The following POLA1 variants were observed in gnomAD, a reference collection of about 807,000 sequenced individuals.
POLA1 encodes the protein DNA polymerase alpha catalytic subunit.
A neutral mutation model predicts 124.0 loss-of-function variants in POLA1; 15 were observed. The observed-to-expected ratio is 0.12, with a 90% CI of 0.08 to 0.19. The LOEUF is 0.19. Ranked by LOEUF, POLA1 falls within the 10% of genes least tolerant of loss-of-function variation. The pLI is 1.00. For synonymous variants in POLA1, 408 were observed against 389.4 expected (o/e 1.05, Z -0.56); for missense variants, 886 against 1,103.4 (o/e 0.80, Z 2.79).
chrX:24,719,686 C>T (rs187202756), intron 10 of POLA1, among the ~76,000 whole-genome samples: 1 of 111,691 alleles, frequency 9.0e-6, no homozygotes, highest in African/African-American at 3.3e-5. Context: ...TATTACTCCC[C>T]GTACTTTGCT....
intron 35 of POLA1, among the ~76,000 whole-genome samples, chrX:24,902,441 A>C (rs1227686673): frequency 1.8e-5 from 2 of 112,141 alleles, no homozygotes; most frequent in Admixed American, 1.9e-4. Context: ...ATCTACTTAG[A>C]AACAGTAGAT....
intron 31 of POLA1, 28 bp downstream of exon 31, chrX:24,821,611 G>C (rs777229142): frequency 2.6e-6 from 3 of 1,132,234 alleles, no homozygotes; most frequent in Non-Finnish European, 3.6e-6. Flanking sequence ...GTAAGACTCT[G>C]ACACCTCTTA....
At chrX:24,735,616 A>T in intron 18 of POLA1, 128 bp downstream of exon 18, 1 of 410,062 alleles carries the variant, frequency 2.4e-6, no homozygotes, top group Non-Finnish European at 4.2e-6. Flanking sequence ...GACTGGTGGG[A>T]ATTGCTGCTA....
intron 36 of POLA1, among the ~76,000 whole-genome samples, chrX:24,970,860 C>A (rs1381111957): frequency 9.0e-6 from 1 of 111,714 alleles, no homozygotes; most frequent in Non-Finnish European, 1.9e-5. Context: ...TCCCACTGGA[C>A]TGAAAGTGAA....
intron 26 of POLA1, chrX:24,788,806 T>C (rs369827320): frequency 3.4e-4 from 405 of 1,195,517 alleles, no homozygotes; most frequent in Non-Finnish European, 4.4e-4. Context: ...CTCCACTTCC[T>C]GTAGTGTCTT....
At chrX:24,880,823 A>G (rs2046992175) in intron 34 of POLA1, among the ~76,000 whole-genome samples, 1 of 111,608 alleles carries the variant, frequency 9.0e-6, no homozygotes, top group East Asian at 2.8e-4. Flanking sequence ...GTGAAAAGAG[A>G]GTCTGATGTT....
At chrX:24,842,994 C>G (rs763252787) in intron 33 of POLA1, among the ~76,000 whole-genome samples, 8 of 111,613 alleles carry the variant, frequency 7.2e-5, no homozygotes, top group Non-Finnish European at 1.3e-4. Context: ...CCTCCCTCCC[C>G]CAATACACTT....
intron 36 of POLA1, among the ~76,000 whole-genome samples, chrX:24,970,661 A>G (rs1345820702): frequency 1.8e-5 from 2 of 112,486 alleles, no homozygotes; most frequent in Non-Finnish European, 3.7e-5. Flanking sequence ...ACACTTCTCA[A>G]AATAATACAT....
chrX:24,762,953 G>A (rs1438115337), intron 26 of POLA1, among the ~76,000 whole-genome samples: 1 of 111,013 alleles, frequency 9.0e-6, no homozygotes, highest in Admixed American at 9.6e-5. Flanking sequence ...GGCCAGGCTG[G>A]TCTAGAACTC....
At chrX:24,950,066 T>G (rs1395053662) in intron 36 of POLA1, among the ~76,000 whole-genome samples, 2 of 112,295 alleles carry the variant, frequency 1.8e-5, no homozygotes, top group African/African-American at 6.5e-5. Flanking sequence ...CACGTGTCCT[T>G]TGTCCTCTTA....
At chrX:24,934,576 A>G (rs1391208814) in intron 36 of POLA1, among the ~76,000 whole-genome samples, 1 of 112,123 alleles carries the variant, frequency 8.9e-6, no homozygotes, top group Non-Finnish European at 1.9e-5. Context: ...CTCTCCTCAT[A>G]TTCTGTGTCA....
intron 36 of POLA1, among the ~76,000 whole-genome samples, chrX:24,950,181 C>G (rs2147244314): frequency 8.9e-6 from 1 of 112,202 alleles, no homozygotes; most frequent in South Asian, 3.7e-4. Context: ...TTTGCAACTG[C>G]TACGTGTTGG....
intron 15 of POLA1, among the ~76,000 whole-genome samples, chrX:24,730,861 A>G (rs1013262906): frequency 7.1e-5 from 8 of 112,427 alleles, no homozygotes; most frequent in African/African-American, 2.3e-4. Flanking sequence ...ATTATTTTGA[A>G]AACTGATAAA....
At chrX:24,907,110 A>G (rs1417370183) in intron 35 of POLA1, among the ~76,000 whole-genome samples, 2 of 111,466 alleles carry the variant, frequency 1.8e-5, no homozygotes, top group South Asian at 3.8e-4. Flanking sequence ...AGAATCATTT[A>G]AACCCAGGAG....
At chrX:24,881,508 G>A (rs2047000425) in intron 34 of POLA1, among the ~76,000 whole-genome samples, 1 of 111,732 alleles carries the variant, frequency 8.9e-6, no homozygotes, top group African/African-American at 3.3e-5. Context: ...GTTAGTAAAT[G>A]GGAGGAAAGA....
rs139702115 is a variant in POLA1 at position 24,910,825 on chromosome X, C to G, written c.4165-19628C>G. ...TACTTCGCAAGCGTGACACTACTCTCTCAACATTTGATAGAAATGCTGGAC... is the reference window on the plus strand; with the variant it reads ...TACTTCGCAAGCGTGACACTACTCTGTCAACATTTGATAGAAATGCTGGAC... On this transcript the variant is annotated intron_variant, in intron 35 of 36. Transcript: ENST00000379068. Among the ~76,000 whole-genome samples the G allele has an allele frequency of 7.1e-3, 800 of 111,900 alleles. 4 individuals are homozygous for G. Among genetic ancestry groups the G allele is most frequent in the African/African-American group, 0.024 (748 of 30,850 alleles).
At chrX:24,750,238 G>A (rs959375811) in intron 26 of POLA1, among the ~76,000 whole-genome samples, 10 of 111,990 alleles carry the variant, frequency 8.9e-5, no homozygotes, top group Non-Finnish European at 1.9e-4. Context: ...TAGAAAAAAA[G>A]TTTGCTGACC....
At chrX:24,871,896 C>T (rs945552679) in intron 34 of POLA1, among the ~76,000 whole-genome samples, 5 of 111,833 alleles carry the variant, frequency 4.5e-5, no homozygotes, top group Admixed American at 9.5e-5. Flanking sequence ...GCTAAAGTTT[C>T]AGTCCCAAAG....
rs1301073134 is a variant in POLA1, at chrX:24,748,950, C to T, written c.2922C>T (p.Tyr974=). ...GCLGFSYSRF[Y]AKPLAALVTY... ...TGGGATTTTCCTATAGCAGATTTTA[C>T]GCCAAACCACTGGCTGCCTTGGTGA... The change falls in exon 26 of 37, where the codon TAC becomes TAT. Residue 974 remains tyrosine (Y), a synonymous_variant. Coordinates refer to ENST00000379068, the MANE Select transcript of POLA1 (RefSeq NM_001330360.2). 3 of 1,200,192 alleles carry T rather than the reference C, an allele frequency of 2.5e-6. No homozygotes were observed. Among genetic ancestry groups the T allele is most frequent in the South Asian group, 1.8e-5 (1 of 56,552 alleles).
Sources: gnomAD v4.1 joint callset for allele counts (sites outside exome capture counted in the v4.1 genomes callset) on GRCh38, gnomAD v4.1.1 for gene constraint, MANE v1.5 for transcripts, NCBI Gene and HGNC (gene_info 2026-07-23, HGNC 2026-07-21) for gene names.